SETBP1: variants seen among roughly 807,000 people sequenced by gnomAD.
SETBP1 encodes SET binding protein 1.
A neutral mutation model predicts 101.0 loss-of-function variants in SETBP1; 9 were observed. The ratio of observed to expected loss-of-function variants is 0.09; its 90% CI spans 0.05 to 0.16. The LOEUF (loss-of-function observed/expected upper bound fraction) is 0.16. Among genes scored for constraint, SETBP1 ranks in the 10% least tolerant of loss-of-function variants. The pLI is 1.00. For missense variants in SETBP1, 1,858 were observed against 2,033.8 expected (o/e 0.91, Z 1.66); for synonymous variants, 818 against 788.5 (o/e 1.04, Z -0.63).
At chr18:45,022,256 A>G (rs1344946043) in intron 4 of SETBP1, among the ~76,000 whole-genome samples, 1 of 152,148 alleles carries the variant, frequency 6.6e-6, no homozygotes, top group Non-Finnish European at 1.5e-5. Context: ...GTCTTCTGTT[A>G]TATTTCACCT....
chr18:44,964,105 CTG>C (rs1284880237), intron 4 of SETBP1, among the ~76,000 whole-genome samples: 1 of 152,022 alleles, frequency 6.6e-6, no homozygotes, highest in Non-Finnish European at 1.5e-5. Flanking sequence ...GCTGGAGAAA[CTG>C]TGGTTCAAAG....
chr18:45,026,620 G>A (rs567141672), intron 4 of SETBP1, among the ~76,000 whole-genome samples: 24 of 152,196 alleles, frequency 1.6e-4, no homozygotes, highest in African/African-American at 5.5e-4. Context: ...CTACTAAATT[G>A]GTCTTACTTA....
chr18:45,038,434 T>C, intron 4 of SETBP1, 51 bp from the exon 5 acceptor site: 1 of 1,552,270 alleles, frequency 6.4e-7, no homozygotes, highest in Non-Finnish European at 8.9e-7. Context: ...ATGTTGTCTA[T>C]CTTCCTGTTC....
chr18:44,895,756 T>A (rs534089806), intron 3 of SETBP1, among the ~76,000 whole-genome samples: 54 of 152,112 alleles, frequency 3.6e-4, no homozygotes, highest in Non-Finnish European at 5.0e-4. Flanking sequence ...CAATGTTGGG[T>A]TTAGCATGCA....
At chr18:44,972,620 T>C (rs2071892119) in intron 4 of SETBP1, among the ~76,000 whole-genome samples, 1 of 152,208 alleles carries the variant, frequency 6.6e-6, no homozygotes, top group Non-Finnish European at 1.5e-5. Context: ...TCCTAGGTAT[T>C]TTATTCTCCT....
intron 3 of SETBP1, among the ~76,000 whole-genome samples, chr18:44,918,532 G>C (rs946193446): frequency 5.3e-5 from 8 of 152,212 alleles, no homozygotes; most frequent in Non-Finnish European, 1.2e-4. Flanking sequence ...CATAATCATA[G>C]GTTTCTTGTC....
chr18:44,947,763 C>T (rs1417181911), intron 3 of SETBP1, among the ~76,000 whole-genome samples: 1 of 152,190 alleles, frequency 6.6e-6, no homozygotes, highest in African/African-American at 2.4e-5. Context: ...GCCTCGGCCT[C>T]CCAAGTACTG....
At chr18:44,760,021 C>T (rs963757913) in intron 2 of SETBP1, among the ~76,000 whole-genome samples, 1 of 152,180 alleles carries the variant, frequency 6.6e-6, no homozygotes, top group African/African-American at 2.4e-5. Flanking sequence ...AACCTGGGCT[C>T]CTTCTCAGCT....
At chr18:45,014,440 C>T (rs1327274494) in intron 4 of SETBP1, among the ~76,000 whole-genome samples, 4 of 152,206 alleles carry the variant, frequency 2.6e-5, no homozygotes, top group Non-Finnish European at 5.9e-5. Flanking sequence ...GCTGTTGGAT[C>T]AGGGCAGCGC....
At position 44,721,679 on chromosome 18, in the gene SETBP1, A is replaced by C. The variant is rs1392140910; in HGVS notation, c.486+19847A>C. Among the ~76,000 whole-genome samples, 4 of 152,144 alleles carry C rather than the reference A, an allele frequency of 2.6e-5. No individual in the cohort carries two copies. In the East Asian group the frequency reaches 7.7e-4, roughly 29 times the overall value. ...TTCCACAGTATCTCCTTTTAAATCT[A>C]TGTTACCCGCTTTAAATATGACCCA... On this transcript the variant is annotated intron_variant, in intron 2 of 5. Transcript: ENST00000649279.
intron 2 of SETBP1, among the ~76,000 whole-genome samples, chr18:44,814,199 T>A (rs2071925233): frequency 6.6e-6 from 1 of 152,166 alleles, no homozygotes; most frequent in South Asian, 2.1e-4. Flanking sequence ...GAGAGTAGAA[T>A]CTTCTAGAAA....
chr18:44,981,154 C>T (rs967399001), intron 4 of SETBP1, among the ~76,000 whole-genome samples: 3 of 152,192 alleles, frequency 2.0e-5, no homozygotes, highest in East Asian at 1.9e-4. Flanking sequence ...CATAATTCTG[C>T]GTGATCTTCA....
chr18:44,964,605 C>A (rs984894846), intron 4 of SETBP1, among the ~76,000 whole-genome samples: 1 of 150,036 alleles, frequency 6.7e-6, no homozygotes, highest in Non-Finnish European at 1.5e-5. Flanking sequence ...AAAAAAAAAA[C>A]CCTGTTAATA....
chr18:44,765,053 T>G (rs1412423022), intron 2 of SETBP1, among the ~76,000 whole-genome samples: 1 of 152,162 alleles, frequency 6.6e-6, no homozygotes, highest in African/African-American at 2.4e-5. Flanking sequence ...CAGGATGAAC[T>G]TTGTTAAAGG....
chr18:44,840,752 C>A (rs2072599122), intron 2 of SETBP1, among the ~76,000 whole-genome samples: 2 of 152,202 alleles, frequency 1.3e-5, no homozygotes, highest in African/African-American at 4.8e-5. Context: ...ACACAAAAAA[C>A]CCATCTAGTT....
chr18:44,744,504 C>T (rs1025712219), intron 2 of SETBP1, among the ~76,000 whole-genome samples: 1 of 152,236 alleles, frequency 6.6e-6, no homozygotes, highest in African/African-American at 2.4e-5. Flanking sequence ...CTACTGTACG[C>T]GCCCAAGAGC....
At chr18:44,802,837 T>TG (rs1306485338) in intron 2 of SETBP1, among the ~76,000 whole-genome samples, 1 of 152,144 alleles carries the variant, frequency 6.6e-6, no homozygotes, top group African/African-American at 2.4e-5. Context: ...TTTCTGGCCA[T>TG]GGGGTATGCA....
At chr18:45,001,135 A>T (rs1002520641) in intron 4 of SETBP1, among the ~76,000 whole-genome samples, 1 of 152,208 alleles carries the variant, frequency 6.6e-6, no homozygotes, top group Non-Finnish European at 1.5e-5. Context: ...CCTACCAAGG[A>T]CAGCAGTGTA....
intron 4 of SETBP1, among the ~76,000 whole-genome samples, chr18:45,023,400 C>T (rs781512420): frequency 2.0e-5 from 3 of 152,178 alleles, no homozygotes; most frequent in Non-Finnish European, 4.4e-5. Flanking sequence ...ACTGGATATT[C>T]GGCTACCCAA....
Sources: gnomAD v4.1 joint callset for allele counts (sites outside exome capture counted in the v4.1 genomes callset) on GRCh38, gnomAD v4.1.1 for gene constraint, MANE v1.5 for transcripts, NCBI Gene and HGNC (gene_info 2026-07-23, HGNC 2026-07-21) for gene names.